RFX4: variants seen among roughly 807,000 people sequenced by gnomAD.
The protein encoded by RFX4 is transcription factor RFX4.
In RFX4, 10 loss-of-function variants were observed where a neutral mutation model predicts 95.0. That is an observed-to-expected ratio of 0.11 (90% CI 0.06 to 0.18). The LOEUF is 0.18. Ranked by LOEUF, RFX4 falls within the 10% of genes least tolerant of loss-of-function variation. The probability of loss-of-function intolerance (pLI) is 1.00; values close to 1 mark genes in which losing one functional copy is unlikely to be tolerated. For synonymous variants in RFX4, 321 were observed against 340.7 expected (o/e 0.94, Z 0.64); for missense variants, 640 against 922.0 (o/e 0.69, Z 3.96).
chr12:106,671,210 T>A (rs935597013), intron 4 of RFX4, among the ~76,000 whole-genome samples: 5 of 152,204 alleles, frequency 3.3e-5, no homozygotes, highest in African/African-American at 1.2e-4. Context: ...GCATTAGAAT[T>A]TATTTTAGAT....
At chr12:106,597,550 T>C (rs1565944085) in intron 1 of RFX4, among the ~76,000 whole-genome samples, 1 of 152,224 alleles carries the variant, frequency 6.6e-6, no homozygotes, top group Non-Finnish European at 1.5e-5. Context: ...CCCTGTGAGC[T>C]GTTACTGATA....
At chr12:106,627,618 C>T (rs1410989835) in intron 2 of RFX4, among the ~76,000 whole-genome samples, 1 of 152,194 alleles carries the variant, frequency 6.6e-6, no homozygotes, top group African/African-American at 2.4e-5. Flanking sequence ...TCTCTCACTC[C>T]ATTCACCTCA....
At chr12:106,749,210 C>G (rs566776808) in intron 16 of RFX4, among the ~76,000 whole-genome samples, 1 of 148,724 alleles carries the variant, frequency 6.7e-6, no homozygotes, top group Non-Finnish European at 1.5e-5. Context: ...AAGCTGAGAT[C>G]GCGCCACTGC....
chr12:106,624,292 C>T (rs1379709220), intron 2 of RFX4, among the ~76,000 whole-genome samples: 1 of 152,240 alleles, frequency 6.6e-6, no homozygotes, highest in Admixed American at 6.5e-5. Context: ...TTATACATCC[C>T]ATGATCTAAT....
At chr12:106,619,817 C>A (rs190304684) in intron 2 of RFX4, among the ~76,000 whole-genome samples, 132 of 152,136 alleles carry the variant, frequency 8.7e-4, no homozygotes, top group Non-Finnish European at 1.3e-3. Context: ...AATTGACCTG[C>A]CTTTCAGTTC....
At chr12:106,614,106 T>G (rs578169518) in intron 2 of RFX4, among the ~76,000 whole-genome samples, 1 of 152,356 alleles carries the variant, frequency 6.6e-6, no homozygotes, top group South Asian at 2.1e-4. Context: ...AAATAATGAC[T>G]GTAGCATCTT....
intron 4 of RFX4, among the ~76,000 whole-genome samples, chr12:106,658,021 T>A (rs1160506926): frequency 3.3e-5 from 5 of 152,132 alleles, no homozygotes; most frequent in Non-Finnish European, 7.4e-5. Context: ...ATGATTTTGT[T>A]TTGTCTGTCT....
At chr12:106,755,982 A>C (rs558976967) in intron 17 of RFX4, among the ~76,000 whole-genome samples, 1 of 152,344 alleles carries the variant, frequency 6.6e-6, no homozygotes, top group African/African-American at 2.4e-5. Flanking sequence ...AATAATTTTA[A>C]GTCATTTGTT....
At chr12:106,693,074 C>T (rs1565982545) in intron 7 of RFX4, 1 of 434,876 alleles carries the variant, frequency 2.3e-6, no homozygotes, top group Non-Finnish European at 4.6e-6. Flanking sequence ...AGATCCAGTC[C>T]ACTGGGAGAT....
intron 1 of RFX4, chr12:106,583,639 T>C (rs977326992): frequency 3.0e-6 from 1 of 332,096 alleles, no homozygotes; most frequent in African/African-American, 2.1e-5. Flanking sequence ...GGACACAAAG[T>C]TACGTAAAGA....
intron 4 of RFX4, among the ~76,000 whole-genome samples, chr12:106,677,809 G>A (rs1436699299): frequency 6.6e-6 from 1 of 152,198 alleles, no homozygotes; most frequent in African/African-American, 2.4e-5. Flanking sequence ...AGAGATCACA[G>A]TGGACTAGTG....
intron 4 of RFX4, among the ~76,000 whole-genome samples, chr12:106,673,797 T>G (rs2041337318): frequency 6.6e-6 from 1 of 152,206 alleles, no homozygotes; most frequent in South Asian, 2.1e-4. Context: ...CAAAGAGGAA[T>G]GATTCTTTCA....
At chr12:106,652,645 TCAGCAC>T (rs1228165694) in intron 3 of RFX4, among the ~76,000 whole-genome samples, 1 of 152,240 alleles carries the variant, frequency 6.6e-6, no homozygotes, top group Non-Finnish European at 1.5e-5. Flanking sequence ...CGGGGACTAT[TCAGCAC>T]CAGGTTTTGT....
intron 5 of RFX4, 198 bp downstream of exon 5, chr12:106,682,252 G>A: frequency 1.7e-6 from 1 of 581,940 alleles, no homozygotes; most frequent in Admixed American, 3.0e-5. Flanking sequence ...AAAAGCCCAA[G>A]ACGAGTTGGC....
intron 8 of RFX4, among the ~76,000 whole-genome samples, chr12:106,705,342 G>A (rs1171638799): frequency 6.6e-6 from 1 of 152,212 alleles, no homozygotes; most frequent in Non-Finnish European, 1.5e-5. Flanking sequence ...GCTGAAGCTG[G>A]AGCTGTAGAC....
rs189344238 is a variant in RFX4 at position 106,747,649 on chromosome 12, G to C, written c.1796+50G>C. ...CTGGACTTTTAAAATTTGATCTAAA[G>C]AGGCTGGGCACAGCAGCTCACACCC... On this transcript the variant is annotated intron_variant, in intron 16 of 17. Transcript: ENST00000392842. 4.0e-5 allele frequency: 64 copies of C among 1,594,498 alleles called. No individual in the cohort carries two copies. The East Asian group carries it at 1.4e-3, about 34-fold the overall frequency.
At chr12:106,659,336 G>A (rs1172277187) in intron 4 of RFX4, among the ~76,000 whole-genome samples, 3 of 152,092 alleles carry the variant, frequency 2.0e-5, no homozygotes, top group Non-Finnish European at 4.4e-5. Context: ...CCCTTTAGGT[G>A]TGTTAGACTG....
chr12:106,709,289 C>A (rs770478075), intron 8 of RFX4, 41 bp from the exon 9 acceptor site: 6 of 1,525,962 alleles, frequency 3.9e-6, no homozygotes, highest in Non-Finnish European at 4.5e-6. Flanking sequence ...AGGAGCTAAG[C>A]AACATGTGCA....
At chr12:106,660,170 C>T (rs1435136245) in intron 4 of RFX4, among the ~76,000 whole-genome samples, 1 of 151,950 alleles carries the variant, frequency 6.6e-6, no homozygotes, top group Non-Finnish European at 1.5e-5. Flanking sequence ...AGATGGGATA[C>T]AGAGTGAAGT....
Sources: allele counts gnomAD v4.1 joint callset (sites outside exome capture counted in the v4.1 genomes callset), GRCh38; gene constraint gnomAD v4.1.1; transcripts MANE v1.5; gene names NCBI Gene and HGNC (gene_info 2026-07-23, HGNC 2026-07-21).